The following PPFIA3 variants were observed in gnomAD, a reference collection of about 807,000 sequenced individuals.
PPFIA3 encodes the protein PPFI scaffold protein A3, also known as liprin-alpha-3.
PPFIA3 carries 26 observed loss-of-function variants against 145.8 expected under a neutral mutation model. The observed-to-expected ratio is 0.18, with a 90% CI of 0.13 to 0.25. The LOEUF (loss-of-function observed/expected upper bound fraction) is 0.25, where lower values mean the gene tolerates loss of function less well. Among genes scored for constraint, PPFIA3 ranks in the 10% least tolerant of loss-of-function variants. PPFIA3 has a pLI of 1.00. For synonymous variants in PPFIA3, 645 were observed against 661.4 expected (o/e 0.98, Z 0.38); for missense variants, 1,008 against 1,587.8 (o/e 0.63, Z 6.21).
In PPFIA3 at chr19:49,134,068, A is replaced by G; in HGVS notation, c.1280A>G (p.Asn427Ser). 3.1e-6 allele frequency: 5 copies of G among 1,613,744 alleles called. No individual in the cohort carries two copies. The highest frequency in any genetic ancestry group is 4.2e-6 in the Non-Finnish European group (5 of 1,179,852). Residue 427 changes from asparagine to serine, a missense_variant, in exon 11 of 30, where the codon AAT (asparagine) becomes AGT (serine). This residue lies in a region of PPFIA3 where 109 missense variants were observed against 198.1 expected (regional missense o/e 0.55). Transcript: ENST00000334186. ...CGGGAGAAGATGAACGATGACCACAATAAGCGGCTGTCCGAGACGGTGGAC... is the reference window on the plus strand; with the variant it reads ...CGGGAGAAGATGAACGATGACCACAGTAAGCGGCTGTCCGAGACGGTGGAC... ...RQREKMNDDH[N>S]KRLSETVDKL...
intron 4 of PPFIA3, 96 bp from the exon 5 acceptor site, chr19:49,129,284 C>T (rs1352125995): frequency 2.3e-6 from 3 of 1,303,836 alleles, no homozygotes; most frequent in Non-Finnish European, 3.1e-6. Context: ...CCAACGCTGC[C>T]CTATCGGATC....
Position 49,149,233 on chromosome 19 carries a change from G to T in PPFIA3, c.3286-24G>T, listed in dbSNP as rs762893688. On this transcript the variant is annotated intron_variant, in intron 26 of 29. Coordinates refer to ENST00000334186, the MANE Select transcript of PPFIA3 (RefSeq NM_003660.4). This position sits in a 1 kb window ranked among gnomAD's most constrained non-coding sequence, Gnocchi z 5.7. Reference sequence around the variant, plus strand: ...ACCTCGCAGACTGCACGCTCCAACCGCCCCCTCCACCTCCTCTTTCCAGGC... The same window carrying T: ...ACCTCGCAGACTGCACGCTCCAACCTCCCCCTCCACCTCCTCTTTCCAGGC... 3.6e-5 allele frequency: 58 copies of T among 1,614,082 alleles called. No individual in the cohort carries two copies. In the Middle Eastern group the frequency reaches 2.0e-3, roughly 55 times the overall value.
intron 5 of PPFIA3, among the ~76,000 whole-genome samples, 156 bp from the exon 6 acceptor site, chr19:49,129,837 G>A (rs2041047521): frequency 6.6e-6 from 1 of 152,092 alleles, no homozygotes; most frequent in Non-Finnish European, 1.5e-5. Flanking sequence ...AGGAGGGAGG[G>A]AGCCTAAGGG....
At chr19:49,136,033 T>A in intron 14 of PPFIA3, 110 bp downstream of exon 14, 2 of 1,242,824 alleles carry the variant, frequency 1.6e-6, no homozygotes, top group Non-Finnish European at 2.1e-6. Flanking sequence ...AGAGGCAGGA[T>A]CTCTTGGACT....
intron 1 of PPFIA3, among the ~76,000 whole-genome samples, chr19:49,126,341 C>G (rs28682918): frequency 0.24 from 36,379 of 151,834 alleles, 5,328 homozygotes; most frequent in African/African-American, 0.41. Context: ...CTCCACCTCC[C>G]GGGTTCAAGC....
At chr19:49,139,261 G>C (rs535747581) in intron 16 of PPFIA3, among the ~76,000 whole-genome samples, 2 of 151,056 alleles carry the variant, frequency 1.3e-5, no homozygotes, top group East Asian at 3.9e-4. Context: ...GGAGGCAGAG[G>C]TTGCAGTGAG....
intron 19 of PPFIA3, 128 bp downstream of exon 19, chr19:49,141,641 C>A (rs1305715206): frequency 1.5e-6 from 1 of 652,772 alleles, no homozygotes; most frequent in Non-Finnish European, 2.4e-6. Flanking sequence ...TGTGTGTGTG[C>A]AGCGGTGGTG....
chr19:49,131,320 C>T (rs1016918584), intron 7 of PPFIA3, among the ~76,000 whole-genome samples: 4 of 146,434 alleles, frequency 2.7e-5, no homozygotes, highest in African/African-American at 1.0e-4. Flanking sequence ...AGGTGTGCAC[C>T]ACCACACCTG....
Position 49,128,611 on chromosome 19 carries a change from T to C in PPFIA3, c.342+143T>C. ...GTCTTCTCCTCTTCCCTGCTCCCAC[T>C]TCCTGGCTGGTCTCCCACTCTGGTG... On this transcript the variant is annotated intron_variant, in intron 3 of 29. Coordinates refer to ENST00000334186, the MANE Select transcript of PPFIA3 (RefSeq NM_003660.4). The surrounding 1 kb of genome is among the most constrained non-coding windows in gnomAD (Gnocchi z 4.1). 1 of 831,212 alleles carries C rather than the reference T, an allele frequency of 1.2e-6. No individual in the cohort carries two copies. Among genetic ancestry groups the C allele is most frequent in the South Asian group, 1.7e-5 (1 of 60,586 alleles). 51.5% of individuals were successfully genotyped at this position (831,212 alleles called of 1,614,324 possible).
intron 1 of PPFIA3, among the ~76,000 whole-genome samples, chr19:49,123,702 A>C (rs945070764): frequency 4.6e-5 from 7 of 152,132 alleles, no homozygotes; most frequent in African/African-American, 1.7e-4. Flanking sequence ...TCAGCCTCCC[A>C]AAATGCTGGG....
Position 49,149,214 on chromosome 19 carries a change from C to CA in PPFIA3, c.3286-42dup, listed in dbSNP as rs766464956. 4.3e-6 allele frequency: 7 copies of CA among 1,613,910 alleles called. No homozygotes were observed. Among genetic ancestry groups the CA allele is most frequent in the Non-Finnish European group, 5.1e-6 (6 of 1,179,954 alleles). ...GAGCATGCTGGGCGTCCCCACCTCG[C>CA]AGACTGCACGCTCCAACCGCCCCCT... On this transcript the variant is annotated intron_variant, in intron 26 of 29. Transcript: ENST00000334186. The surrounding 1 kb of genome is among the most constrained non-coding windows in gnomAD (Gnocchi z 5.7).
Position 49,128,279 on chromosome 19 carries a change from C to A in PPFIA3, c.241-88C>A. The A allele has an allele frequency of 6.6e-7, 1 of 1,522,188 alleles. No homozygotes were observed. The highest frequency in any genetic ancestry group is 9.1e-7 in the Non-Finnish European group (1 of 1,099,968). 94.3% of individuals were successfully genotyped at this position (1,522,188 alleles called of 1,614,324 possible). The stretch of plus-strand genomic sequence containing the variant: ...GGACAGCGGGACTTAGCAGGGAGGG[C>A]GGGACCTTCAAACTTCCAGTCCCAG... On this transcript the variant is annotated intron_variant, in intron 2 of 29. Coordinates refer to ENST00000334186, the MANE Select transcript of PPFIA3 (RefSeq NM_003660.4). The surrounding 1 kb of genome is among the most constrained non-coding windows in gnomAD (Gnocchi z 4.1).
At chr19:49,121,810 A>T (rs1227561811) in intron 1 of PPFIA3, among the ~76,000 whole-genome samples, 1 of 151,934 alleles carries the variant, frequency 6.6e-6, no homozygotes, top group East Asian at 1.9e-4. Flanking sequence ...TTATTTATTT[A>T]TTTTTTGTAG....
chr19:49,148,598 G>A (rs2041306194), intron 24 of PPFIA3, 68 bp from the exon 25 acceptor site: 1 of 1,259,402 alleles, frequency 7.9e-7, no homozygotes, highest in Non-Finnish European at 1.1e-6. Flanking sequence ...AGTGGGGAGG[G>A]ACCCGTAGGA....
At position 49,143,015 on chromosome 19, in the gene PPFIA3, G is replaced by C. The variant is rs773853123; in HGVS notation, c.2745+11G>C. 1 of 1,599,046 alleles carries C rather than the reference G, an allele frequency of 6.3e-7. No homozygotes were observed. Among genetic ancestry groups the C allele is most frequent in the Non-Finnish European group, 8.5e-7 (1 of 1,175,144 alleles). The stretch of plus-strand genomic sequence containing the variant: ...GCCTCCTCCCGCACTGTGAGTGTCC[G>C]GCGGCCAATTCCAGCCTTCGCTTCC... On this transcript the variant is annotated intron_variant, in intron 21 of 29. Transcript: ENST00000334186.
At chr19:49,121,109 A>G (rs1484887392) in intron 1 of PPFIA3, among the ~76,000 whole-genome samples, 1 of 150,728 alleles carries the variant, frequency 6.6e-6, no homozygotes, top group Non-Finnish European at 1.5e-5. Context: ...AGGACTCTCT[A>G]CTCTTTCCCC....
rs2040909020 is a variant in PPFIA3, at chr19:49,119,696, C to T, written c.-42C>T. 1 of 151,118 alleles carries T rather than the reference C, an allele frequency of 6.6e-6. No individual in the cohort carries two copies. The highest frequency in any genetic ancestry group is 1.5e-5 in the Non-Finnish European group (1 of 67,732). 9.4% of individuals were successfully genotyped at this position (151,118 alleles called of 1,614,324 possible). A position where few individuals can be genotyped will look rare whatever the true frequency, so the allele number is the denominator to read the frequency against. On this transcript the variant is annotated 5_prime_UTR_variant, in exon 1 of 30. Transcript: ENST00000334186. ...CCACGTCCCTCCTGCAGCCCAGCTC[C>T]GCCCGCAGCCGCCGCGGACCAGGCA... is the stretch of plus-strand genomic sequence containing the variant.
intron 15 of PPFIA3, among the ~76,000 whole-genome samples, chr19:49,137,628 CAAAAAAAAAAAAAA>C (rs3032695): frequency 1.1e-4 from 5 of 43,784 alleles, no homozygotes; most frequent in East Asian, 1.9e-3. Context: ...GACTCCGTGT[CAAAAAAAAAAAAAA>C]AAAAAAAAAA....
intron 22 of PPFIA3, 48 bp from the exon 23 acceptor site, chr19:49,146,118 T>G: frequency 6.2e-7 from 1 of 1,612,650 alleles, no homozygotes. Context: ...CTCCTCTGCC[T>G]GCCCCTTAAC....
Sources: gnomAD v4.1 joint callset for allele counts (sites outside exome capture counted in the v4.1 genomes callset) on GRCh38, gnomAD v4.1.1 for gene constraint, gnomAD v4.1.1 regional missense constraint, Gnocchi (gnomAD v3.1) non-coding constraint, MANE v1.5 for transcripts, NCBI Gene and HGNC (gene_info 2026-07-23, HGNC 2026-07-21) for gene names.